ME3: variants seen among roughly 807,000 people sequenced by gnomAD.
ME3 encodes NADP-dependent malic enzyme, mitochondrial.
ME3 carries 48 observed loss-of-function variants against 68.9 expected under a neutral mutation model. That is an observed-to-expected ratio of 0.70 (90% CI 0.55 to 0.89). The LOEUF (loss-of-function observed/expected upper bound fraction) is 0.89, where lower values mean the gene tolerates loss of function less well. Among genes scored for constraint, ME3 ranks in the 40% least tolerant of loss-of-function variants. The pLI is 0.00. For missense variants in ME3, 675 were observed against 797.4 expected (o/e 0.85, Z 1.85); for synonymous variants, 320 against 318.8 (o/e 1.00, Z -0.04).
intron 2 of ME3, among the ~76,000 whole-genome samples, chr11:86,616,876 G>A (rs1942992667): frequency 6.6e-6 from 1 of 152,044 alleles, no homozygotes; most frequent in African/African-American, 2.4e-5. Context: ...AGAAAGTCTG[G>A]AGTTTAGTTC....
chr11:86,616,282 C>T (rs984627309), intron 2 of ME3, among the ~76,000 whole-genome samples: 3 of 152,040 alleles, frequency 2.0e-5, no homozygotes, highest in Non-Finnish European at 4.4e-5. Flanking sequence ...ATGAATAAAA[C>T]TTTTATGATA....
intron 2 of ME3, among the ~76,000 whole-genome samples, chr11:86,614,876 C>T (rs1424952560): frequency 6.6e-6 from 1 of 152,182 alleles, no homozygotes; most frequent in Non-Finnish European, 1.5e-5. Context: ...GCTTGGTACT[C>T]CCAGCTCCAT....
At chr11:86,540,461 A>C (rs1955970643) in intron 4 of ME3, among the ~76,000 whole-genome samples, 1 of 152,146 alleles carries the variant, frequency 6.6e-6, no homozygotes, top group Non-Finnish European at 1.5e-5. Flanking sequence ...AGTGGAGTGG[A>C]TAGGGGTTTG....
intron 8 of ME3, chr11:86,457,224 C>T (rs907824310): frequency 6.5e-6 from 1 of 152,928 alleles, no homozygotes; most frequent in Non-Finnish European, 1.5e-5. Flanking sequence ...TTAAAAGGCC[C>T]TCCCTTGGTC....
chr11:86,571,940 T>C (rs551374130), intron 2 of ME3, among the ~76,000 whole-genome samples: 1 of 152,240 alleles, frequency 6.6e-6, no homozygotes, highest in African/African-American at 2.4e-5. Flanking sequence ...GGAAGGGAAG[T>C]TTAACGATGT....
chr11:86,457,734 G>A (rs1210957388), intron 8 of ME3: 1 of 1,287,222 alleles, frequency 7.8e-7, no homozygotes, highest in Non-Finnish European at 1.0e-6. Flanking sequence ...AATGCCATGG[G>A]CAGCTGAAAG....
chr11:86,526,317 G>C (rs142203369), intron 4 of ME3, among the ~76,000 whole-genome samples: 1,867 of 152,316 alleles, frequency 0.012, 84 homozygotes, highest in Non-Finnish European at 7.0e-3. Context: ...AGCGAGGCTG[G>C]GGGAGGAATG....
intron 2 of ME3, among the ~76,000 whole-genome samples, chr11:86,642,993 A>AT (rs1565258440): frequency 3.0e-4 from 42 of 141,028 alleles, no homozygotes; most frequent in South Asian, 4.6e-4. Context: ...GGTTTCTATT[A>AT]GTTTTTTTTG....
exon 4 of ME3, chr11:86,556,557 G>A: frequency 6.2e-7 from 1 of 1,613,708 alleles, no homozygotes; most frequent in Non-Finnish European, 8.5e-7. Context: ...GCTCACCGGG[G>A]CCTGCGGAAA....
chr11:86,512,069 C>A (rs1473385857), intron 4 of ME3, among the ~76,000 whole-genome samples: 1 of 152,186 alleles, frequency 6.6e-6, no homozygotes, highest in East Asian at 1.9e-4. Context: ...AAGCCACTCC[C>A]TCCTCTCAGC....
chr11:86,496,803 TGACA>T (rs1397538010), intron 6 of ME3, among the ~76,000 whole-genome samples: 3 of 151,890 alleles, frequency 2.0e-5, no homozygotes, highest in Non-Finnish European at 4.4e-5. Flanking sequence ...AGAAAACTCA[TGACA>T]GATAATTAAA....
At chr11:86,664,695 A>T (rs1565297930) in intron 2 of ME3, among the ~76,000 whole-genome samples, 1 of 152,134 alleles carries the variant, frequency 6.6e-6, no homozygotes, top group Non-Finnish European at 1.5e-5. Context: ...GGAGGGTGGG[A>T]GTTCCAGTGG....
Position 86,475,874 on chromosome 11 carries a change from T to TATATAGAGAGAGAG in ME3, c.810-10675_810-10674insCTCTCTCTCTATAT. On this transcript the variant is annotated intron_variant, in intron 7 of 14. Coordinates refer to ENST00000543262, the Ensembl canonical transcript of ME3. Reference sequence around the variant, plus strand: ...CAGTATATATATATATATATATATATAGAGAGAGAGAGAGAGAGAGAGAGA... The same window carrying TATATAGAGAGAGAG: ...CAGTATATATATATATATATATATATATATAGAGAGAGAGAGAGAGAGAGAGAGAGAGAGAGAGA... Among the ~76,000 whole-genome samples, 702 of 91,406 alleles carry TATATAGAGAGAGAG rather than the reference T, an allele frequency of 7.7e-3. 5 individuals are homozygous for TATATAGAGAGAGAG. Among genetic ancestry groups the TATATAGAGAGAGAG allele is most frequent in the Non-Finnish European group, 0.012 (557 of 48,418 alleles). The allele number at this position is 91,406 out of a possible 152,430, so 60.0% of individuals were successfully genotyped here.
chr11:86,640,622 A>G (rs141790445), intron 2 of ME3, among the ~76,000 whole-genome samples: 93 of 152,334 alleles, frequency 6.1e-4, no homozygotes, highest in African/African-American at 2.0e-3. Context: ...ATAATGCCCA[A>G]TGGATATTCA....
chr11:86,497,884 C>T lies in ME3; in HGVS notation c.705+79G>A, dbSNP rs1952465973. On this transcript the variant is annotated intron_variant, in intron 6 of 14. Coordinates refer to ENST00000543262, the Ensembl canonical transcript of ME3. ...ATGGCCCATTGCTGTGTAGATATAA[C>T]CACCCACAAACATGCTCCTCACCCT... 2.1e-6 allele frequency: 3 copies of T among 1,447,102 alleles called. No individual in the cohort carries two copies. In the South Asian group the frequency reaches 4.1e-5, roughly 20 times the overall value. The allele number at this position is 1,447,102 out of a possible 1,614,324, so 89.6% of individuals were successfully genotyped here.
intron 4 of ME3, among the ~76,000 whole-genome samples, chr11:86,551,847 G>C (rs530301646): frequency 6.6e-6 from 1 of 152,164 alleles, no homozygotes; most frequent in African/African-American, 2.4e-5. Flanking sequence ...TTTCCACAGA[G>C]CTTCCGACTA....
At chr11:86,518,638 G>A (rs962360466) in intron 4 of ME3, among the ~76,000 whole-genome samples, 1 of 152,200 alleles carries the variant, frequency 6.6e-6, no homozygotes, top group Admixed American at 6.5e-5. Context: ...TGTGCCTGGT[G>A]TCAATTTGAC....
In ME3 at chr11:86,659,339, A is replaced by T. The variant is rs149238126; in HGVS notation, c.183+12423T>A. Among the ~76,000 whole-genome samples the T allele has an allele frequency of 8.5e-4, 130 of 152,360 alleles. 1 individual carries two copies. The highest frequency in any genetic ancestry group is 3.4e-3 in the Middle Eastern group (1 of 294). The stretch of plus-strand genomic sequence containing the variant: ...ATTCAAGACCCTATTTCAAGATGGC[A>T]GGCAAAGAGCTACCTTTCAAAGATG... On this transcript the variant is annotated intron_variant, in intron 2 of 14. Coordinates refer to ENST00000543262, the Ensembl canonical transcript of ME3.
exon 13 of ME3, chr11:86,446,463 T>C (rs752667300): frequency 6.2e-7 from 1 of 1,614,206 alleles, no homozygotes; most frequent in Non-Finnish European, 8.5e-7. Flanking sequence ...TTAAAAGGAC[T>C]TCCACTGGCA....
Sources: allele counts gnomAD v4.1 joint callset (sites outside exome capture counted in the v4.1 genomes callset), GRCh38; gene constraint gnomAD v4.1.1; transcripts MANE v1.5; gene names NCBI Gene and HGNC (gene_info 2026-07-23, HGNC 2026-07-21).